The following TLN2 variants were observed in gnomAD, a reference collection of about 807,000 sequenced individuals.
TLN2 encodes the protein talin-2.
TLN2 carries 118 observed loss-of-function variants against 294.7 expected under a neutral mutation model. That is an observed-to-expected ratio of 0.40 (90% CI 0.34 to 0.47). The LOEUF is 0.47. TLN2 is among the 20% of genes least tolerant of loss of function. The pLI, the probability that TLN2 is intolerant of heterozygous loss-of-function variation, is 0.84. For missense variants in TLN2, 3,083 were observed against 3,282.2 expected (o/e 0.94, Z 1.48); for synonymous variants, 1,431 against 1,304.5 (o/e 1.10, Z -2.09).
In TLN2 at chr15:62,454,458, G is replaced by A. The variant is rs79929760; in HGVS notation, c.-238+63773G>A. On this transcript the variant is annotated intron_variant, in intron 1 of 58. Transcript: ENST00000636159. Reference sequence around the variant, plus strand: ...GAATGGGACCTGAGAGCCGTCTCCTGCAGGGCTGCTGGTTCTCTGTGAGAA... The same window carrying A: ...GAATGGGACCTGAGAGCCGTCTCCTACAGGGCTGCTGGTTCTCTGTGAGAA... 5.2e-4 allele frequency among the ~76,000 whole-genome samples: 79 copies of A among 152,298 alleles called. 1 individual carries two copies. In the East Asian group the frequency reaches 0.013, roughly 24 times the overall value.
rs559841443 is a variant in TLN2, at chr15:62,798,063, TAAGA to T, written c.6234+666_6234+669del. Among the ~76,000 whole-genome samples the T allele has an allele frequency of 1.2e-3, 186 of 152,036 alleles. 1 individual carries two copies. Among genetic ancestry groups the T allele is most frequent in the African/African-American group, 4.3e-3 (180 of 41,470 alleles). On this transcript the variant is annotated intron_variant, in intron 48 of 58. Coordinates refer to ENST00000636159, the MANE Select transcript of TLN2 (RefSeq NM_015059.3). ...TGTTTCAACCCACCAGAGACAGAGT[TAAGA>T]AAGAGGGAAGACTGGGAACTGGTTA... is the stretch of plus-strand genomic sequence containing the variant.
chr15:62,656,413 T>A (rs1432998455), intron 8 of TLN2, among the ~76,000 whole-genome samples: 2 of 152,194 alleles, frequency 1.3e-5, no homozygotes, highest in African/African-American at 2.4e-5. Context: ...AAAGGTTTCT[T>A]AGCTGGCATC....
At chr15:62,458,712 T>G (rs1330342067) in intron 1 of TLN2, among the ~76,000 whole-genome samples, 1 of 151,884 alleles carries the variant, frequency 6.6e-6, no homozygotes, top group Non-Finnish European at 1.5e-5. Flanking sequence ...AAGGCTACAG[T>G]GAGCCATGGT....
At chr15:62,560,137 C>T (rs543348180) in intron 1 of TLN2, among the ~76,000 whole-genome samples, 23 of 152,238 alleles carry the variant, frequency 1.5e-4, no homozygotes, top group African/African-American at 1.7e-4. Context: ...GGACCAAAGG[C>T]AGCTCCTTTG....
At chr15:62,544,953 G>T (rs1007941192) in intron 1 of TLN2, among the ~76,000 whole-genome samples, 1 of 150,976 alleles carries the variant, frequency 6.6e-6, no homozygotes, top group East Asian at 1.9e-4. Context: ...TTTTTGAGAC[G>T]GAGTCTCGCT....
intron 1 of TLN2, among the ~76,000 whole-genome samples, chr15:62,446,981 G>A (rs2035854612): frequency 6.6e-6 from 1 of 152,176 alleles, no homozygotes; most frequent in Admixed American, 6.5e-5. Context: ...GAAGTTAATA[G>A]GGCTTCCTGA....
intron 1 of TLN2, among the ~76,000 whole-genome samples, chr15:62,501,082 G>A (rs115705712): frequency 0.011 from 1,687 of 152,328 alleles, 28 homozygotes; most frequent in African/African-American, 0.039. Flanking sequence ...TGTGCAATGC[G>A]CCATGGGGCA....
chr15:62,638,342 T>C, intron 3 of TLN2: 1 of 358,082 alleles, frequency 2.8e-6, no homozygotes, highest in Non-Finnish European at 5.5e-6. Context: ...TCTATGACAG[T>C]GATAGGCAGC....
chr15:62,584,500 C>T (rs1214398931), intron 1 of TLN2, among the ~76,000 whole-genome samples: 2 of 152,202 alleles, frequency 1.3e-5, no homozygotes, highest in African/African-American at 4.8e-5. Flanking sequence ...ACTTGCTCTT[C>T]ATTGAGTTTC....
chr15:62,508,817 G>T (rs1391045889), intron 1 of TLN2, among the ~76,000 whole-genome samples: 1 of 152,130 alleles, frequency 6.6e-6, no homozygotes, highest in Non-Finnish European at 1.5e-5. Flanking sequence ...GTTACTTTTA[G>T]AGCAGTGGAG....
At chr15:62,665,490 G>A (rs1271510631) in intron 9 of TLN2, among the ~76,000 whole-genome samples, 1 of 152,212 alleles carries the variant, frequency 6.6e-6, no homozygotes, top group African/African-American at 2.4e-5. Flanking sequence ...AAGGTTCCAT[G>A]AGTCTGCGTG....
Position 62,833,507 on chromosome 15 carries a change from G to C in TLN2, c.7006G>C (p.Ala2336Pro). The change falls in exon 55 of 59, where the codon GCG (alanine) becomes CCG (proline). Residue 2336 changes from alanine (A) to proline (P), a missense_variant. Transcript: ENST00000636159. ...QLKPRAKPKQ[A>P]DETLDFEEQI... ...TGCTGTTTTCTTTTGGTTATAGCAA[G>C]CGGATGAGACCCTGGACTTTGAGGA... 1 of 1,613,626 alleles carries C rather than the reference G, an allele frequency of 6.2e-7. No homozygotes were observed. The highest frequency in any genetic ancestry group is 8.5e-7 in the Non-Finnish European group (1 of 1,179,754).
chr15:62,467,501 C>T (rs144838565), intron 1 of TLN2, among the ~76,000 whole-genome samples: 25 of 152,086 alleles, frequency 1.6e-4, no homozygotes, highest in Non-Finnish European at 2.8e-4. Flanking sequence ...GAGACCAGCC[C>T]GGCCAACATG....
At chr15:62,722,259 G>T (rs529302514) in intron 25 of TLN2, 94 bp from the exon 26 acceptor site, 7 of 1,374,698 alleles carry the variant, frequency 5.1e-6, no homozygotes, top group Admixed American at 2.5e-5. Context: ...GACAAAATCA[G>T]TTCTTACTGC....
intron 1 of TLN2, among the ~76,000 whole-genome samples, chr15:62,575,498 T>C (rs920594786): frequency 3.3e-5 from 5 of 152,208 alleles, no homozygotes; most frequent in Non-Finnish European, 5.9e-5. Flanking sequence ...TTTCTGTACT[T>C]ACTGTGGACC....
At chr15:62,651,900 A>G (rs2052632576) in intron 5 of TLN2, 105 bp from the exon 6 acceptor site, 2 of 1,295,694 alleles carry the variant, frequency 1.5e-6, no homozygotes, top group South Asian at 4.1e-5. Context: ...GGAAAATCAG[A>G]GTCTACTCTG....
Position 62,662,822 on chromosome 15 carries a change from G to GTTTTTTT in TLN2, c.788+4936_788+4942dup, listed in dbSNP as rs772448730. Among the ~76,000 whole-genome samples the GTTTTTTT allele has an allele frequency of 3.0e-4, 33 of 108,220 alleles. 3 individuals carry two copies. Among genetic ancestry groups the GTTTTTTT allele is most frequent in the Non-Finnish European group, 3.9e-4 (22 of 56,888 alleles). 71.0% of individuals were successfully genotyped at this position (108,220 alleles called of 152,430 possible). Reference sequence around the variant, plus strand: ...TTGGTGTATTTTAGGGATTGAGAGAGTTTTTTTTTTTTTTTTTTGGAGACA... The same window carrying GTTTTTTT: ...TTGGTGTATTTTAGGGATTGAGAGAGTTTTTTTTTTTTTTTTTTTTTTTTTGGAGACA... On this transcript the variant is annotated intron_variant, in intron 9 of 58. Coordinates refer to ENST00000636159, the MANE Select transcript of TLN2 (RefSeq NM_015059.3).
At chr15:62,796,434 C>T in intron 47 of TLN2, 141 bp downstream of exon 47, 3 of 1,075,054 alleles carry the variant, frequency 2.8e-6, no homozygotes, top group South Asian at 1.7e-5. Context: ...GGAAAGTGAA[C>T]CATGTAATCA....
rs200255870 is a variant in TLN2, at chr15:62,771,077, C to G, written c.5310C>G (p.Leu1770=). ...QMTVLDQTKT[L]AESALQMLYA... ...CGGTGCTGGACCAGACCAAGACTCT[C>G]GCAGAGTCTGCCTTGCAGATGTTGT... The change falls in exon 42 of 59, where the codon CTC becomes CTG. Residue 1770 remains leucine, a synonymous_variant. Transcript: ENST00000636159. 159 of 1,613,684 alleles carry G rather than the reference C, an allele frequency of 9.9e-5. No individual in the cohort carries two copies. Among genetic ancestry groups the G allele is most frequent in the Admixed American group, 1.7e-5 (1 of 59,996 alleles).
Sources: allele counts gnomAD v4.1 joint callset (sites outside exome capture counted in the v4.1 genomes callset), GRCh38; gene constraint gnomAD v4.1.1; transcripts MANE v1.5; gene names NCBI Gene and HGNC (gene_info 2026-07-23, HGNC 2026-07-21).